The following MCF2L variants were observed in gnomAD, a reference collection of about 807,000 sequenced individuals.
The protein encoded by MCF2L is MCF.2 cell line derived transforming sequence like, also known as guanine nucleotide exchange factor DBS.
MCF2L carries 97 observed loss-of-function variants against 153.4 expected under a neutral mutation model. That is an observed-to-expected ratio of 0.63 (90% CI 0.54 to 0.75). The LOEUF (loss-of-function observed/expected upper bound fraction) is 0.75, where lower values mean the gene tolerates loss of function less well. Among genes scored for constraint, MCF2L ranks in the 30% least tolerant of loss-of-function variants. The pLI, the probability that MCF2L is intolerant of heterozygous loss-of-function variation, is 0.00. For missense variants in MCF2L, 1,347 were observed against 1,495.2 expected, an observed-to-expected ratio of 0.90 and a Z score of 1.64; for synonymous variants, 659 against 632.2, an observed-to-expected ratio of 1.04 and a Z score of -0.64.
chr13:113,018,794 C>T (rs1030344135), intron 2 of MCF2L, among the ~76,000 whole-genome samples: 12 of 152,248 alleles, frequency 7.9e-5, no homozygotes, highest in Non-Finnish European at 1.0e-4. Context: ...CTGCCCGGAA[C>T]GCAGAGGCCA....
rs1594360464 is a variant in MCF2L at position 112,941,887 on chromosome 13, C to G, written c.169+39516C>G. ...CTGAGGGGACATAGTGAGAAGTGAT[C>G]AGAAGACAAGAGTGCGAGCCTTCTA... On this transcript the variant is annotated intron_variant, in intron 2 of 29. Transcript: ENST00000375608. The surrounding 1 kb of genome is among the most constrained non-coding windows in gnomAD (Gnocchi z 4.9). Among the ~76,000 whole-genome samples the G allele has an allele frequency of 6.6e-6, 1 of 152,178 alleles. No homozygotes were observed. The highest frequency in any genetic ancestry group is 1.9e-4 in the East Asian group (1 of 5,190).
intron 1 of MCF2L, among the ~76,000 whole-genome samples, chr13:113,006,354 C>A (rs1051742436): frequency 1.8e-4 from 27 of 152,324 alleles, no homozygotes; most frequent in African/African-American, 6.3e-4. Flanking sequence ...AGGCTTCATG[C>A]TCCCTAGGTC....
upstream of MCF2L, chr13:112,968,891 G>C: frequency 2.9e-6 from 2 of 680,892 alleles, no homozygotes; most frequent in Non-Finnish European, 4.4e-6. Context: ...GCGGTGACAC[G>C]AATTTCTAGG....
chr13:112,939,011 G>A (rs184189089), intron 2 of MCF2L, among the ~76,000 whole-genome samples: 12 of 152,306 alleles, frequency 7.9e-5, no homozygotes, highest in African/African-American at 4.8e-5. Context: ...CCTCTTGCAC[G>A]AGGACAGGAA....
At position 113,074,328 on chromosome 13, in the gene MCF2L, T is replaced by C; in HGVS notation, c.997-116T>C. 2.2e-6 allele frequency: 3 copies of C among 1,335,398 alleles called. No homozygotes were observed. Among genetic ancestry groups the C allele is most frequent in the Non-Finnish European group, 2.1e-6 (2 of 950,062 alleles). The allele number at this position is 1,335,398 out of a possible 1,614,324, so 82.7% of individuals were successfully genotyped here. On this transcript the variant is annotated intron_variant, in intron 9 of 29. Transcript: ENST00000535094. The surrounding 1 kb of genome is among the most constrained non-coding windows in gnomAD (Gnocchi z 4.2). Reference sequence around the variant, plus strand: ...CTGACTGTGGTCCCTGCTTGATTGATGACCACTTGGCCCGACTTTGAATTC... The same window carrying C: ...CTGACTGTGGTCCCTGCTTGATTGACGACCACTTGGCCCGACTTTGAATTC...
Position 113,026,067 on chromosome 13 carries a change from A to ACCAGGC in MCF2L, c.278+1309_278+1310insCCAGGC, listed in dbSNP as rs2085272647. On this transcript the variant is annotated intron_variant, in intron 3 of 29. Coordinates refer to ENST00000535094, the MANE Select transcript of MCF2L (RefSeq NM_001112732.3). ...AGAGTCCCTGTGAGATTTCCCCATC[A>ACCAGGC]TGCGGTCCCCGTGACTGTGGGTCGG... 8.8e-5 allele frequency among the ~76,000 whole-genome samples: 2 copies of ACCAGGC among 22,758 alleles called. 1 individual carries two copies. The highest frequency in any genetic ancestry group is 9.3e-4 in the Admixed American group (2 of 2,140). 14.9% of individuals were successfully genotyped at this position (22,758 alleles called of 152,430 possible). A position where few individuals can be genotyped will look rare whatever the true frequency, so the allele number is the denominator to read the frequency against.
Position 113,064,564 on chromosome 13 carries a change from CA to C in MCF2L, c.606+145del. On this transcript the variant is annotated intron_variant, in intron 6 of 29. Coordinates refer to ENST00000535094, the MANE Select transcript of MCF2L (RefSeq NM_001112732.3). This position sits in a 1 kb window ranked among gnomAD's most constrained non-coding sequence, Gnocchi z 6.0. ...TTTCCCAAGAATGAGGAGATGGTCT[CA>C]GTGGACCTTAGTCATTGTAAAGAAG... 1.6e-6 allele frequency: 1 copy of C among 638,236 alleles called. No individual in the cohort carries two copies. Among genetic ancestry groups the C allele is most frequent in the Non-Finnish European group, 2.8e-6 (1 of 355,164 alleles). The allele number at this position is 638,236 out of a possible 1,614,324, so 39.5% of individuals were successfully genotyped here.
Position 113,097,650 on chromosome 13 carries a change from G to A in MCF2L, c.*791G>A, listed in dbSNP as rs944436408. Reference sequence around the variant, plus strand: ...TTAAACTATAATTTAAACAATTAACGTTCTTTTCTACAAAAAAAATGCAGG... The same window carrying A: ...TTAAACTATAATTTAAACAATTAACATTCTTTTCTACAAAAAAAATGCAGG... On this transcript the variant is annotated 3_prime_UTR_variant, in exon 30 of 30. Transcript: ENST00000535094. 1 of 140,860 alleles carries A rather than the reference G, an allele frequency of 7.1e-6. No homozygotes were observed. Among genetic ancestry groups the A allele is most frequent in the Non-Finnish European group, 1.5e-5 (1 of 65,412 alleles). 8.7% of individuals were successfully genotyped at this position (140,860 alleles called of 1,614,324 possible).
rs747433182 is a variant in MCF2L at position 113,087,702 on chromosome 13, C to A, written c.2596-5C>A. On this transcript the variant is annotated splice_region_variant and splice_polypyrimidine_tract_variant and intron_variant, in intron 22 of 29. Coordinates refer to ENST00000535094, the MANE Select transcript of MCF2L (RefSeq NM_001112732.3). ...GCGAACCCCATCTCCACTCTCTGCT[C>A]GCAGATGGCTGCCGTTGGCATTACG... 1.2e-6 allele frequency: 2 copies of A among 1,612,606 alleles called. No homozygotes were observed. Among genetic ancestry groups the A allele is most frequent in the South Asian group, 2.2e-5 (2 of 91,052 alleles).
rs1409270342 is a variant in MCF2L at position 112,943,156 on chromosome 13, C to T, written c.169+40785C>T. Among the ~76,000 whole-genome samples the T allele has an allele frequency of 1.3e-5, 2 of 152,256 alleles. No homozygotes were observed. The highest frequency in any genetic ancestry group is 3.8e-4 in the East Asian group (2 of 5,202). On this transcript the variant is annotated intron_variant, in intron 2 of 29. Transcript: ENST00000375608. This position sits in a 1 kb window ranked among gnomAD's most constrained non-coding sequence, Gnocchi z 4.2. ...TGCGAGGAGCATCCAGCCTAGGGCT[C>T]AGCAGGTGTGACTTAAAGGATCGCA...
chr13:113,076,859 C>T (rs540384214), intron 12 of MCF2L, among the ~76,000 whole-genome samples, 193 bp from the exon 13 acceptor site: 13 of 152,258 alleles, frequency 8.5e-5, no homozygotes, highest in Non-Finnish European at 1.3e-4. Context: ...GGCCCCGTCC[C>T]GTGTGGGGGC....
chr13:112,983,160 G>A lies in MCF2L; in HGVS notation c.79+13702G>A, dbSNP rs1258529188. ...CGCAGCACTCAGCAGGTGCCTCAGG[G>A]TTTGTTGGAGGTGAGGGGGTAGCAG... On this transcript the variant is annotated intron_variant, in intron 1 of 29. Coordinates refer to ENST00000535094, the MANE Select transcript of MCF2L (RefSeq NM_001112732.3). The surrounding 1 kb of genome is among the most constrained non-coding windows in gnomAD (Gnocchi z 4.0). 6.6e-6 allele frequency among the ~76,000 whole-genome samples: 1 copy of A among 152,222 alleles called. No individual in the cohort carries two copies. The highest frequency in any genetic ancestry group is 1.9e-4 in the East Asian group (1 of 5,166).
chr13:112,909,330 C>T, intron 2 of MCF2L: 2 of 779,608 alleles, frequency 2.6e-6, no homozygotes, highest in Non-Finnish European at 2.4e-6. Flanking sequence ...GTACATCCTT[C>T]ACCTCTGTGT....
At chr13:112,970,188 T>TATATCATTAAAGTG (rs2081990669) in intron 1 of MCF2L, among the ~76,000 whole-genome samples, 1 of 152,132 alleles carries the variant, frequency 6.6e-6, no homozygotes. Context: ...GAAATAATGA[T>TATATCATTAAAGTG]ATATCATTAA....
At chr13:113,051,195 C>T (rs2087291826) in intron 4 of MCF2L, among the ~76,000 whole-genome samples, 1 of 152,166 alleles carries the variant, frequency 6.6e-6, no homozygotes, top group African/African-American at 2.4e-5. Context: ...TGCGTTTCAG[C>T]GCACCCTGCG....
rs115085885 is a variant in MCF2L at position 113,017,005 on chromosome 13, G to A, written c.163+2159G>A. ...CTGGGGTGGGACCCTGGCACACCAC[G>A]CTGTTCTCAGGATCCAGGTCGTAGC... On this transcript the variant is annotated intron_variant, in intron 2 of 29. Transcript: ENST00000535094. Among the ~76,000 whole-genome samples the A allele has an allele frequency of 2.2e-3, 328 of 152,334 alleles. 3 individuals are homozygous for A. The highest frequency in any genetic ancestry group is 7.6e-3 in the African/African-American group (314 of 41,572).
rs2035493141 is a variant in MCF2L, at chr13:113,094,601, C to T, written c.3041C>T (p.Ala1014Val). 1 of 1,612,232 alleles carries T rather than the reference C, an allele frequency of 6.2e-7. No homozygotes were observed. The highest frequency in any genetic ancestry group is 8.5e-7 in the Non-Finnish European group (1 of 1,179,642). The part of the protein sequence containing the change: ...SAEEQINSSD[A>V]EEDGGLGPKK... ...GAGGAGCAGATTAACTCGTCCGACG[C>T]AGAGGAGGACGGCGGGTTGGGCCCC... The change falls in exon 27 of 30, where the codon GCA becomes GTA. Residue 1014 changes from alanine to valine, a missense_variant. By Grantham distance (64) the Ala-to-Val change is moderately conservative (BLOSUM62 0). Transcript: ENST00000535094.
rs903860675 is a variant in MCF2L at position 112,904,339 on chromosome 13, G to A, written c.169+1968G>A. Among the ~76,000 whole-genome samples the A allele has an allele frequency of 1.3e-4, 20 of 152,120 alleles. No homozygotes were observed. The highest frequency in any genetic ancestry group is 1.0e-4 in the Non-Finnish European group (7 of 68,024). ...TGTCAGGGTCCACCGTGCACCAGCC[G>A]TGGAGCAGAGCCTGGGCCCACGCTC... On this transcript the variant is annotated intron_variant, in intron 2 of 29. Transcript: ENST00000375608. This position sits in a 1 kb window ranked among gnomAD's most constrained non-coding sequence, Gnocchi z 4.2.
chr13:113,051,798 C>T (rs1250477016), intron 4 of MCF2L, among the ~76,000 whole-genome samples: 1 of 152,184 alleles, frequency 6.6e-6, no homozygotes, highest in East Asian at 1.9e-4. Context: ...CGGGACCTCA[C>T]CTGGCGAGGG....
Sources: gnomAD v4.1 joint callset for allele counts (sites outside exome capture counted in the v4.1 genomes callset) on GRCh38, gnomAD v4.1.1 for gene constraint, Gnocchi (gnomAD v3.1) non-coding constraint, MANE v1.5 for transcripts, NCBI Gene and HGNC (gene_info 2026-07-23, HGNC 2026-07-21) for gene names.